TENM2: variants seen among roughly 807,000 people sequenced by gnomAD.
TENM2 encodes the protein teneurin transmembrane protein 2, also known as teneurin-2.
A neutral mutation model predicts 245.2 loss-of-function variants in TENM2; 52 were observed. The observed-to-expected ratio is 0.21, with a 90% CI of 0.17 to 0.27. The LOEUF is 0.27. Among genes scored for constraint, TENM2 ranks in the 10% least tolerant of loss-of-function variants. The pLI is 1.00. For synonymous variants in TENM2, 1,363 were observed against 1,438.9 expected (o/e 0.95, Z 1.19); for missense variants, 3,046 against 3,666.8 (o/e 0.83, Z 4.37).
At chr5:167,508,883 G>A (rs1769737990) in intron 2 of TENM2, among the ~76,000 whole-genome samples, 1 of 152,124 alleles carries the variant, frequency 6.6e-6, no homozygotes, top group African/African-American at 2.4e-5. Flanking sequence ...GCAATGGCGT[G>A]ATCACAGCTC....
chr5:167,521,640 C>T (rs1441368929), intron 2 of TENM2, among the ~76,000 whole-genome samples: 4 of 152,058 alleles, frequency 2.6e-5, no homozygotes, highest in Non-Finnish European at 5.9e-5. Flanking sequence ...GAATGAGTTC[C>T]AGAAATTCAG....
the TENM2 span, among the ~76,000 whole-genome samples, chr5:167,057,895 A>G: frequency 7.9e-5 from 12 of 152,118 alleles, no homozygotes; most frequent in African/African-American, 2.7e-4. Context: ...GAGCCTCCCT[A>G]TGACTGGGTC....
At chr5:167,554,967 AT>A (rs1209379369) in intron 2 of TENM2, among the ~76,000 whole-genome samples, 4 of 151,804 alleles carry the variant, frequency 2.6e-5, no homozygotes, top group South Asian at 2.1e-4. Flanking sequence ...TTATAAATTA[AT>A]TTTTTTTCAA....
chr5:167,105,467 G>A, the TENM2 span, among the ~76,000 whole-genome samples: 22 of 152,276 alleles, frequency 1.4e-4, no homozygotes, highest in East Asian at 2.9e-3. Flanking sequence ...CCCTTCAAAT[G>A]TGAGTCTAAC....
At chr5:167,180,099 C>T in the TENM2 span, among the ~76,000 whole-genome samples, 3 of 132,464 alleles carry the variant, frequency 2.3e-5, no homozygotes, top group South Asian at 4.4e-4. Context: ...AGAGTAAGTG[C>T]TTCCTTTTTT....
intron 1 of TENM2, among the ~76,000 whole-genome samples, chr5:167,347,975 C>T (rs984729556): frequency 2.0e-5 from 3 of 152,146 alleles, no homozygotes; most frequent in Non-Finnish European, 2.9e-5. Flanking sequence ...TCCCTCATGT[C>T]CACCGTGCCC....
intron 2 of TENM2, among the ~76,000 whole-genome samples, chr5:167,421,457 C>T (rs909584228): frequency 5.9e-5 from 9 of 152,078 alleles, no homozygotes; most frequent in African/African-American, 2.2e-4. Context: ...GGGTGTTGTC[C>T]CTGAGGTGTT....
At chr5:168,090,862 C>T in intron 8 of TENM2, 93 bp downstream of exon 10, 1 of 1,161,970 alleles carries the variant, frequency 8.6e-7, no homozygotes, top group Non-Finnish European at 1.2e-6. Flanking sequence ...AAGGTAGTTT[C>T]TACTACAGAT....
rs534252202 is a variant in TENM2 at position 167,929,977 on chromosome 5, A to G, written c.713-22611A>G. 2.3e-3 allele frequency among the ~76,000 whole-genome samples: 351 copies of G among 152,300 alleles called. 1 individual carries two copies. Among genetic ancestry groups the G allele is most frequent in the African/African-American group, 7.8e-3 (325 of 41,566 alleles). ...CTGTCCTCTTCATGCACCAATTCTCAAGACAACACTGTTATCTTGCCAGAA... is the reference window on the plus strand; with the variant it reads ...CTGTCCTCTTCATGCACCAATTCTCGAGACAACACTGTTATCTTGCCAGAA... On this transcript the variant is annotated intron_variant, in intron 3 of 28. Transcript: ENST00000518659.
chr5:168,040,478 C>T (rs1788090144), intron 5 of TENM2, among the ~76,000 whole-genome samples: 1 of 152,126 alleles, frequency 6.6e-6, no homozygotes, highest in Non-Finnish European at 1.5e-5. Flanking sequence ...ATCCCATTAC[C>T]GTTAAAGGGA....
At chr5:168,246,029 T>A (rs1241636229) in intron 26 of TENM2, among the ~76,000 whole-genome samples, 1 of 151,924 alleles carries the variant, frequency 6.6e-6, no homozygotes, top group Non-Finnish European at 1.5e-5. Flanking sequence ...GGTCAGGAGT[T>A]CGACACCAGC....
At chr5:167,795,840 C>T (rs1168893748) in intron 2 of TENM2, among the ~76,000 whole-genome samples, 2 of 152,098 alleles carry the variant, frequency 1.3e-5, no homozygotes, top group South Asian at 2.1e-4. Context: ...ATTTTCAAAA[C>T]GTTGAGAAGA....
intron 2 of TENM2, among the ~76,000 whole-genome samples, chr5:167,713,954 C>G (rs1197871661): frequency 1.3e-5 from 2 of 152,144 alleles, no homozygotes; most frequent in Non-Finnish European, 2.9e-5. Context: ...TTTATCTTTC[C>G]ACAAGACCAT....
the TENM2 span, among the ~76,000 whole-genome samples, chr5:167,068,652 G>C: frequency 9.2e-5 from 14 of 152,064 alleles, no homozygotes; most frequent in Non-Finnish European, 4.4e-5. Context: ...GTAGCTGGTG[G>C]CTACTATATT....
intron 3 of TENM2, among the ~76,000 whole-genome samples, chr5:167,922,731 A>T (rs1163248675): frequency 2.0e-5 from 3 of 152,200 alleles, no homozygotes; most frequent in Non-Finnish European, 2.9e-5. Flanking sequence ...TGTGAACACC[A>T]ACCCATCCTT....
chr5:167,686,861 T>C (rs1757108490), intron 2 of TENM2, among the ~76,000 whole-genome samples: 1 of 152,148 alleles, frequency 6.6e-6, no homozygotes, highest in East Asian at 1.9e-4. Flanking sequence ...GCAAAAGTAA[T>C]TATGTTTCTT....
At chr5:167,626,462 C>T (rs945392231) in intron 2 of TENM2, among the ~76,000 whole-genome samples, 1 of 152,246 alleles carries the variant, frequency 6.6e-6, no homozygotes, top group East Asian at 1.9e-4. Flanking sequence ...GGTAAGTGGT[C>T]GTTTTTAAAA....
chr5:167,722,132 T>C (rs1317016921), intron 2 of TENM2, among the ~76,000 whole-genome samples: 2 of 152,196 alleles, frequency 1.3e-5, no homozygotes, highest in South Asian at 2.1e-4. Context: ...AAAGCCTGCA[T>C]GGCTCACTTA....
At chr5:167,364,064 A>G (rs1185027943) in intron 1 of TENM2, among the ~76,000 whole-genome samples, 2 of 152,132 alleles carry the variant, frequency 1.3e-5, no homozygotes, top group African/African-American at 4.8e-5. Flanking sequence ...ACATAAAAAT[A>G]CAACAGAAGC....
Sources: allele counts gnomAD v4.1 joint callset (sites outside exome capture counted in the v4.1 genomes callset), GRCh38; gene constraint gnomAD v4.1.1; transcripts MANE v1.5; gene names NCBI Gene and HGNC (gene_info 2026-07-23, HGNC 2026-07-21).